Variants in SLC25A21 observed in about 807,000 individuals in gnomAD.
SLC25A21 encodes the protein mitochondrial 2-oxodicarboxylate carrier.
SLC25A21 carries 47 observed loss-of-function variants against 43.8 expected under a neutral mutation model. That is an observed-to-expected ratio of 1.07 (90% CI 0.85 to 1.37). The LOEUF is 1.37. Among genes scored for constraint, SLC25A21 ranks in the 40% most tolerant of loss-of-function variants. The pLI is 0.00. For synonymous variants in SLC25A21, 131 were observed against 121.3 expected, an observed-to-expected ratio of 1.08 and a Z score of -0.52; for missense variants, 352 against 350.2, an observed-to-expected ratio of 1.00 and a Z score of -0.04.
chr14:36,837,152 C>T (rs1889236489), intron 2 of SLC25A21, among the ~76,000 whole-genome samples: 1 of 151,794 alleles, frequency 6.6e-6, no homozygotes, highest in Non-Finnish European at 1.5e-5. Context: ...GGGAAGGAAA[C>T]CTAGAGAAGC....
chr14:36,809,575 T>C (rs1353454041), intron 3 of SLC25A21, among the ~76,000 whole-genome samples: 1 of 152,154 alleles, frequency 6.6e-6, no homozygotes, highest in Non-Finnish European at 1.5e-5. Context: ...TGAGCTATTG[T>C]CTCTTGAAAG....
intron 1 of SLC25A21, among the ~76,000 whole-genome samples, chr14:37,052,686 T>A (rs1297990494): frequency 6.6e-6 from 1 of 151,984 alleles, no homozygotes; most frequent in African/African-American, 2.4e-5. Flanking sequence ...TCTCCCAGAC[T>A]GGAGTGCAGT....
chr14:36,927,947 G>A (rs796854854), intron 1 of SLC25A21, among the ~76,000 whole-genome samples: 3 of 152,220 alleles, frequency 2.0e-5, no homozygotes, highest in African/African-American at 7.2e-5. Context: ...ATATCAACTG[G>A]CCCTCATTAG....
chr14:36,825,123 A>C (rs1345881454), intron 2 of SLC25A21, among the ~76,000 whole-genome samples: 1 of 152,158 alleles, frequency 6.6e-6, no homozygotes, highest in Admixed American at 6.6e-5. Flanking sequence ...ACAACAATAA[A>C]AGATCTGTCT....
At chr14:36,919,622 C>CTATCTAT (rs1566738603) in intron 1 of SLC25A21, among the ~76,000 whole-genome samples, 35 of 61,516 alleles carry the variant, frequency 5.7e-4, no homozygotes, top group Non-Finnish European at 9.5e-4. Flanking sequence ...TATCTATCTA[C>CTATCTAT]CTATCTATCT....
chr14:37,148,687 T>C (rs562112496), intron 1 of SLC25A21, among the ~76,000 whole-genome samples: 2 of 152,338 alleles, frequency 1.3e-5, no homozygotes, highest in African/African-American at 4.8e-5. Flanking sequence ...AGCTACTATA[T>C]TCAAAGCACT....
intron 1 of SLC25A21, among the ~76,000 whole-genome samples, chr14:37,084,265 TA>T (rs1199090054): frequency 1.3e-5 from 2 of 152,324 alleles, no homozygotes; most frequent in Non-Finnish European, 2.9e-5. Flanking sequence ...GCTTGTGATA[TA>T]AGGTTTTAGC....
intron 7 of SLC25A21, among the ~76,000 whole-genome samples, chr14:36,689,612 C>G (rs1367998232): frequency 6.6e-6 from 1 of 152,164 alleles, no homozygotes; most frequent in Admixed American, 6.5e-5. Flanking sequence ...CACACACATT[C>G]CTGCTCTGGA....
At chr14:37,075,084 T>A (rs1485047813) in intron 1 of SLC25A21, among the ~76,000 whole-genome samples, 2 of 152,168 alleles carry the variant, frequency 1.3e-5, no homozygotes, top group Non-Finnish European at 2.9e-5. Flanking sequence ...AGGAACTAGC[T>A]TCCCTTTGCA....
chr14:36,892,254 T>C (rs937891922), intron 1 of SLC25A21, among the ~76,000 whole-genome samples: 2 of 152,138 alleles, frequency 1.3e-5, no homozygotes, highest in Non-Finnish European at 2.9e-5. Context: ...CTACTGAGTA[T>C]ATATATACAA....
chr14:37,071,420 A>G (rs754862782), intron 1 of SLC25A21, among the ~76,000 whole-genome samples: 8 of 152,196 alleles, frequency 5.3e-5, no homozygotes, highest in Non-Finnish European at 1.0e-4. Context: ...CAATGAGTTT[A>G]TAGAAAAGAA....
At chr14:36,878,374 G>A (rs1890608549) in intron 1 of SLC25A21, among the ~76,000 whole-genome samples, 1 of 152,128 alleles carries the variant, frequency 6.6e-6, no homozygotes, top group African/African-American at 2.4e-5. Flanking sequence ...GTGATAAAAT[G>A]CATTACAGGC....
At chr14:36,823,388 T>C (rs563768730) in intron 2 of SLC25A21, among the ~76,000 whole-genome samples, 10 of 152,334 alleles carry the variant, frequency 6.6e-5, no homozygotes, top group Admixed American at 6.5e-4. Context: ...AAAATTATGC[T>C]TAATATCAGA....
chr14:36,973,043 A>G (rs941356288), intron 1 of SLC25A21, among the ~76,000 whole-genome samples: 1 of 150,464 alleles, frequency 6.6e-6, no homozygotes, highest in Non-Finnish European at 1.5e-5. Context: ...ATTTTATTTT[A>G]TTTTATTTTA....
chr14:36,719,909 A>C (rs1161753506), intron 6 of SLC25A21, among the ~76,000 whole-genome samples: 1 of 152,148 alleles, frequency 6.6e-6, no homozygotes, highest in Non-Finnish European at 1.5e-5. Flanking sequence ...TCTTGATGGG[A>C]ACTCCACTTG....
At chr14:36,996,610 A>G (rs538032631) in intron 1 of SLC25A21, among the ~76,000 whole-genome samples, 2 of 152,240 alleles carry the variant, frequency 1.3e-5, no homozygotes, top group East Asian at 1.9e-4. Context: ...CTCCTCTCCT[A>G]AAGTTTTCTG....
chr14:36,678,251 CAGTA>C lies in SLC25A21; in HGVS notation c.*2403_*2406del. 1.8e-6 allele frequency: 1 copy of C among 556,420 alleles called. No homozygotes were observed. Among genetic ancestry groups the C allele is most frequent in the Non-Finnish European group, 3.2e-6 (1 of 311,210 alleles). The allele number at this position is 556,420 out of a possible 1,614,324, so 34.5% of individuals were successfully genotyped here. On this transcript the variant is annotated 3_prime_UTR_variant, in exon 10 of 10. Transcript: ENST00000331299. Reference sequence around the variant, plus strand: ...GGTTTTCAAATCACTAGGATGTAAACAGTAAGCAGATTTCTGACACACAAATTAT... The same window carrying C: ...GGTTTTCAAATCACTAGGATGTAAACAGCAGATTTCTGACACACAAATTAT...
chr14:36,762,819 C>A (rs1886213297), intron 3 of SLC25A21, among the ~76,000 whole-genome samples: 1 of 152,162 alleles, frequency 6.6e-6, no homozygotes, highest in Non-Finnish European at 1.5e-5. Context: ...GTGCCTGGTG[C>A]CAAGCAAGCC....
intron 3 of SLC25A21, among the ~76,000 whole-genome samples, chr14:36,767,459 G>A (rs1382309712): frequency 6.6e-6 from 1 of 152,164 alleles, no homozygotes; most frequent in Non-Finnish European, 1.5e-5. Flanking sequence ...ATAAACTCTG[G>A]CATTACTATT....
Sources: gnomAD v4.1 joint callset for allele counts (sites outside exome capture counted in the v4.1 genomes callset) on GRCh38, gnomAD v4.1.1 for gene constraint, MANE v1.5 for transcripts, NCBI Gene and HGNC (gene_info 2026-07-23, HGNC 2026-07-21) for gene names.